NELL2: variants seen among roughly 807,000 people sequenced by gnomAD.
NELL2 encodes neural EGFL like 2.
NELL2 carries 41 observed loss-of-function variants against 109.6 expected under a neutral mutation model. That is an observed-to-expected ratio of 0.37 (90% CI 0.29 to 0.49). The LOEUF is 0.49. Ranked by LOEUF, NELL2 falls within the 20% of genes least tolerant of loss-of-function variation. The probability of loss-of-function intolerance (pLI) is 0.98; values close to 1 mark genes in which losing one functional copy is unlikely to be tolerated. For missense variants in NELL2, 900 were observed against 1,008.3 expected, an observed-to-expected ratio of 0.89 and a Z score of 1.45; for synonymous variants, 355 against 344.7, an observed-to-expected ratio of 1.03 and a Z score of -0.33.
intron 12 of NELL2, among the ~76,000 whole-genome samples, chr12:44,667,794 T>C (rs1947977518): frequency 6.6e-6 from 1 of 152,162 alleles, no homozygotes; most frequent in Non-Finnish European, 1.5e-5. Context: ...CAGGAGGAAC[T>C]ATCTATTGTG....
intron 12 of NELL2, among the ~76,000 whole-genome samples, chr12:44,685,969 A>C (rs368486601): frequency 7.2e-5 from 11 of 152,166 alleles, no homozygotes; most frequent in Non-Finnish European, 1.2e-4. Flanking sequence ...GCCTGCCTTG[A>C]TAGATTGGGG....
intron 12 of NELL2, among the ~76,000 whole-genome samples, chr12:44,692,635 T>C (rs1366903973): frequency 2.0e-5 from 3 of 152,010 alleles, no homozygotes; most frequent in Admixed American, 6.6e-5. Flanking sequence ...GTAAGAAAAT[T>C]TGTGATTCAT....
chr12:44,749,132 C>A (rs190063810), intron 9 of NELL2, among the ~76,000 whole-genome samples: 1 of 152,098 alleles, frequency 6.6e-6, no homozygotes, highest in Non-Finnish European at 1.5e-5. Context: ...AAGATTGGCA[C>A]GTAATGACCC....
intron 3 of NELL2, among the ~76,000 whole-genome samples, chr12:44,784,101 C>T (rs1352753295): frequency 6.6e-6 from 1 of 151,930 alleles, no homozygotes; most frequent in East Asian, 1.9e-4. Flanking sequence ...AAGCATTTGA[C>T]AAAATTCAGC....
At chr12:44,850,428 A>T (rs1156240943) in intron 2 of NELL2, among the ~76,000 whole-genome samples, 3 of 152,094 alleles carry the variant, frequency 2.0e-5, no homozygotes, top group African/African-American at 7.2e-5. Flanking sequence ...AAGAATCAGG[A>T]GAGCCATTTA....
intron 12 of NELL2, among the ~76,000 whole-genome samples, chr12:44,672,581 T>C (rs773700686): frequency 1.3e-5 from 2 of 152,170 alleles, no homozygotes; most frequent in South Asian, 2.1e-4. Context: ...ACTTTGTTAA[T>C]TGAACTCATA....
intron 15 of NELL2, among the ~76,000 whole-genome samples, chr12:44,576,320 T>C (rs540488931): frequency 6.6e-6 from 1 of 152,326 alleles, no homozygotes; most frequent in East Asian, 1.9e-4. Flanking sequence ...TGGGATCCTT[T>C]GATTAGGTCT....
exon 1 of NELL2, chr12:44,913,851 G>A (rs757112856): frequency 5.4e-6 from 4 of 736,984 alleles, no homozygotes; most frequent in African/African-American, 3.7e-5. Flanking sequence ...TAATAATAAT[G>A]TCTAAAAGGT....
At chr12:44,741,503 G>C (rs956519018) in intron 9 of NELL2, among the ~76,000 whole-genome samples, 1 of 152,220 alleles carries the variant, frequency 6.6e-6, no homozygotes, top group African/African-American at 2.4e-5. Flanking sequence ...AGCAGGGCGA[G>C]GCATCGCCTC....
intron 9 of NELL2, among the ~76,000 whole-genome samples, chr12:44,723,185 C>T (rs552668516): frequency 3.5e-4 from 51 of 146,878 alleles, no homozygotes; most frequent in Admixed American, 1.4e-3. Context: ...AGCAAGACTC[C>T]GTCTCAAAAA....
intron 15 of NELL2, among the ~76,000 whole-genome samples, chr12:44,544,047 G>A (rs1942690932): frequency 6.6e-6 from 1 of 152,068 alleles, no homozygotes; most frequent in Admixed American, 6.6e-5. Flanking sequence ...AGAAGATATT[G>A]GGAGATGAAG....
intron 15 of NELL2, among the ~76,000 whole-genome samples, chr12:44,595,496 G>A (rs547097570): frequency 3.7e-4 from 56 of 152,188 alleles, no homozygotes; most frequent in Middle Eastern, 6.8e-3. Context: ...GTGCGAACTC[G>A]GCTCACTGCA....
chr12:44,864,719 C>A (rs185449373), intron 2 of NELL2, among the ~76,000 whole-genome samples: 29 of 152,240 alleles, frequency 1.9e-4, no homozygotes, highest in African/African-American at 7.0e-4. Flanking sequence ...ATCAAATGGA[C>A]CTAACAGACA....
intron 9 of NELL2, among the ~76,000 whole-genome samples, chr12:44,747,054 G>A (rs1240076250): frequency 6.6e-6 from 1 of 152,140 alleles, no homozygotes; most frequent in Non-Finnish European, 1.5e-5. Context: ...CAACCCAAAT[G>A]TCCAACAACG....
At position 44,801,187 on chromosome 12, in the gene NELL2, C is replaced by T. The variant is rs115394186; in HGVS notation, c.335+14799G>A. Among the ~76,000 whole-genome samples, 1,437 of 152,166 alleles carry T rather than the reference C, an allele frequency of 9.4e-3. 17 individuals are homozygous for T. Among genetic ancestry groups the T allele is most frequent in the African/African-American group, 0.032 (1,335 of 41,518 alleles). On this transcript the variant is annotated intron_variant, in intron 3 of 19. Coordinates refer to ENST00000429094, the MANE Select transcript of NELL2 (RefSeq NM_001145108.2). ...TTGCCATTAACTTTTTATGGAGAGGCAGTTTGAAAAATTAAAAGACAAAAT... is the reference window on the plus strand; with the variant it reads ...TTGCCATTAACTTTTTATGGAGAGGTAGTTTGAAAAATTAAAAGACAAAAT...
chr12:44,619,420 A>G, intron 13 of NELL2, among the ~76,000 whole-genome samples: 1 of 152,216 alleles, frequency 6.6e-6, no homozygotes, highest in East Asian at 1.9e-4. Context: ...AGGAAAACTA[A>G]TCTAACAGTA....
intron 19 of NELL2, among the ~76,000 whole-genome samples, chr12:44,517,817 A>C (rs1323548037): frequency 6.6e-6 from 1 of 152,176 alleles, no homozygotes; most frequent in Non-Finnish European, 1.5e-5. Flanking sequence ...TACACCTGGT[A>C]CCAGCACAAT....
At chr12:44,542,415 C>T (rs1242911869) in intron 15 of NELL2, among the ~76,000 whole-genome samples, 1 of 151,828 alleles carries the variant, frequency 6.6e-6, no homozygotes, top group Non-Finnish European at 1.5e-5. Flanking sequence ...AGTACCAGGG[C>T]TTTAAAGGCT....
At chr12:44,646,443 A>G (rs756723855) in intron 13 of NELL2, among the ~76,000 whole-genome samples, 3 of 152,218 alleles carry the variant, frequency 2.0e-5, no homozygotes, top group Non-Finnish European at 4.4e-5. Flanking sequence ...ACCAAACCCT[A>G]TATCTGCTAT....
Sources: gnomAD v4.1 joint callset for allele counts (sites outside exome capture counted in the v4.1 genomes callset) on GRCh38, gnomAD v4.1.1 for gene constraint, MANE v1.5 for transcripts, NCBI Gene and HGNC (gene_info 2026-07-23, HGNC 2026-07-21) for gene names.